Variants in MAMLD1 observed in about 807,000 individuals in gnomAD.
MAMLD1 encodes the protein mastermind like domain containing 1.
A neutral mutation model predicts 45.0 loss-of-function variants in MAMLD1; 14 were observed. That is an observed-to-expected ratio of 0.31 (90% CI 0.21 to 0.49). The LOEUF is 0.49. MAMLD1 is among the 20% of genes least tolerant of loss of function. MAMLD1 has a pLI of 0.99. For missense variants in MAMLD1, 543 were observed against 603.6 expected, an observed-to-expected ratio of 0.90 and a Z score of 1.05; for synonymous variants, 254 against 247.8, an observed-to-expected ratio of 1.02 and a Z score of -0.24.
Position 150,473,674 on chromosome X carries a change from T to A in MAMLD1, c.1918-6T>A. ...TCAGGAGCACTTTGGTTTGATTTTA[T>A]TATAGGGCTGTTGCCATCTGTTTGC... On this transcript the variant is annotated splice_region_variant and splice_polypyrimidine_tract_variant and intron_variant, in intron 4 of 7. Coordinates refer to ENST00000370401, the MANE Select transcript of MAMLD1 (RefSeq NM_005491.5). The A allele has an allele frequency of 8.3e-7, 1 of 1,210,964 alleles. No homozygotes were observed. The highest frequency in any genetic ancestry group is 1.1e-6 in the Non-Finnish European group (1 of 894,937).
rs782050202 is a variant in MAMLD1, at chrX:150,508,442, G to C, written c.2285-1520G>C. 2.7e-4 allele frequency among the ~76,000 whole-genome samples: 29 copies of C among 107,194 alleles called. No homozygotes were observed. In the East Asian group the frequency reaches 7.7e-3, roughly 29 times the overall value. The allele number at this position is 107,194 out of a possible 115,157, so 93.1% of individuals were successfully genotyped here. On this transcript the variant is annotated intron_variant, in intron 6 of 7. Transcript: ENST00000370401. The stretch of plus-strand genomic sequence containing the variant: ...GGCAGCTGAGAAACAGCCCCTCACT[G>C]CCCACACGGCAGCTCCAGTGGAGGG...
chrX:150,393,969 G>T (rs1352909372), intron 1 of MAMLD1, among the ~76,000 whole-genome samples: 1 of 110,121 alleles, frequency 9.1e-6, no homozygotes, highest in Non-Finnish European at 1.9e-5. Flanking sequence ...CATGGTTTGT[G>T]CCGTTAGTGT....
At chrX:150,460,126 G>A (rs1165255201) in intron 2 of MAMLD1, among the ~76,000 whole-genome samples, 1 of 112,423 alleles carries the variant, frequency 8.9e-6, no homozygotes, top group East Asian at 2.8e-4. Context: ...CAGGAGTTTT[G>A]GGCAGAGGAT....
intron 4 of MAMLD1, among the ~76,000 whole-genome samples, 177 bp from the exon 5 acceptor site, chrX:150,473,503 A>G (rs1476772113): frequency 8.9e-6 from 1 of 112,232 alleles, no homozygotes; most frequent in Non-Finnish European, 1.9e-5. Flanking sequence ...ATAACCATGC[A>G]GAGTGCTTGA....
intron 1 of MAMLD1, among the ~76,000 whole-genome samples, chrX:150,377,465 A>G (rs947944773): frequency 4.0e-4 from 45 of 112,647 alleles, no homozygotes; most frequent in African/African-American, 1.4e-3. Flanking sequence ...TAGGAGGTCT[A>G]TATCTCTGAG....
At chrX:150,494,196 C>T (rs782461096) in intron 5 of MAMLD1, among the ~76,000 whole-genome samples, 25 of 110,312 alleles carry the variant, frequency 2.3e-4, no homozygotes, top group African/African-American at 7.6e-4. Context: ...AAGTTCGAGA[C>T]CAGCCTGGCC....
At chrX:150,371,991 C>A (rs1437826701) in intron 1 of MAMLD1, among the ~76,000 whole-genome samples, 1 of 112,056 alleles carries the variant, frequency 8.9e-6, no homozygotes, top group Non-Finnish European at 1.9e-5. Flanking sequence ...GTTGACAGAA[C>A]CCTGGTCTCT....
intron 2 of MAMLD1, among the ~76,000 whole-genome samples, chrX:150,449,813 G>A (rs2035604991): frequency 9.1e-6 from 1 of 110,233 alleles, no homozygotes; most frequent in African/African-American, 3.3e-5. Context: ...CCTCCACTGG[G>A]AACAAATCTA....
In MAMLD1 at chrX:150,371,965, G is replaced by C. The variant is rs782298956; in HGVS notation, c.-64+8435G>C. On this transcript the variant is annotated intron_variant, in intron 1 of 7. Transcript: ENST00000370401. The stretch of plus-strand genomic sequence containing the variant: ...CGTCTGACTTTCCTATGGGGACATA[G>C]TAAAGGGAGCCCAAAGTTGACAGAA... Among the ~76,000 whole-genome samples, 6 of 112,161 alleles carry C rather than the reference G, an allele frequency of 5.3e-5. No homozygotes were observed. The South Asian group carries it at 1.9e-3, about 35-fold the overall frequency.
At chrX:150,388,164 C>G (rs781798078) in intron 1 of MAMLD1, among the ~76,000 whole-genome samples, 1 of 111,601 alleles carries the variant, frequency 9.0e-6, no homozygotes, top group Non-Finnish European at 1.9e-5. Flanking sequence ...ATTTCCTTTT[C>G]AAGAGTGTTT....
chrX:150,389,186 A>C (rs1879192703), intron 1 of MAMLD1, among the ~76,000 whole-genome samples: 1 of 110,875 alleles, frequency 9.0e-6, no homozygotes, highest in South Asian at 3.9e-4. Context: ...AGCTGGGATT[A>C]CAGGCACACA....
intron 6 of MAMLD1, among the ~76,000 whole-genome samples, chrX:150,507,478 A>T (rs1325214143): frequency 8.9e-6 from 1 of 111,891 alleles, no homozygotes; most frequent in African/African-American, 3.3e-5. Flanking sequence ...GGACAGCAGG[A>T]CCAGCATAGG....
At chrX:150,448,297 G>T (rs1329281340) in intron 2 of MAMLD1, among the ~76,000 whole-genome samples, 1 of 111,832 alleles carries the variant, frequency 8.9e-6, no homozygotes, top group Non-Finnish European at 1.9e-5. Flanking sequence ...CATTTTTGGG[G>T]CATTATCTCC....
chrX:150,507,069 A>C (rs1557408868), intron 6 of MAMLD1, among the ~76,000 whole-genome samples: 1 of 112,149 alleles, frequency 8.9e-6, no homozygotes, highest in Admixed American at 9.4e-5. Context: ...CTGGGCTTGC[A>C]TAGAACTCAG....
At chrX:150,375,569 C>G (rs1557401455) in intron 1 of MAMLD1, among the ~76,000 whole-genome samples, 1 of 112,653 alleles carries the variant, frequency 8.9e-6, no homozygotes, top group Non-Finnish European at 1.9e-5. Flanking sequence ...GGAGCTTGGG[C>G]TTTCCCTCTC....
At chrX:150,493,971 T>C (rs958201056) in intron 5 of MAMLD1, among the ~76,000 whole-genome samples, 3 of 92,773 alleles carry the variant, frequency 3.2e-5, no homozygotes, top group African/African-American at 1.2e-4. Context: ...TTTCAGTCAT[T>C]TTTTTTTCTA....
At chrX:150,405,590 T>C (rs2124528049) in intron 1 of MAMLD1, among the ~76,000 whole-genome samples, 1 of 112,175 alleles carries the variant, frequency 8.9e-6, no homozygotes, top group Non-Finnish European at 1.9e-5. Context: ...TGGGACAGGA[T>C]ATACTTGGCC....
At chrX:150,397,584 C>T (rs1333818211) in intron 1 of MAMLD1, among the ~76,000 whole-genome samples, 1 of 111,322 alleles carries the variant, frequency 9.0e-6, no homozygotes, top group East Asian at 2.8e-4. Flanking sequence ...ATCACCTGAG[C>T]CCAGACCCAG....
At chrX:150,403,940 A>AAGG (rs2033897607) in intron 1 of MAMLD1, among the ~76,000 whole-genome samples, 2 of 58,882 alleles carry the variant, frequency 3.4e-5, no homozygotes, top group African/African-American at 1.3e-4. Flanking sequence ...AGAAAGAAAG[A>AAGG]AAAGAAAGAA....
Sources: gnomAD v4.1 joint callset for allele counts (sites outside exome capture counted in the v4.1 genomes callset) on GRCh38, gnomAD v4.1.1 for gene constraint, MANE v1.5 for transcripts, NCBI Gene and HGNC (gene_info 2026-07-23, HGNC 2026-07-21) for gene names.